DMXL2: variants seen among roughly 807,000 people sequenced by gnomAD.
DMXL2 encodes Dmx like 2.
Under a neutral mutation model 331.1 loss-of-function variants are expected in DMXL2, and 103 were observed. That is an observed-to-expected ratio of 0.31 (90% confidence interval 0.27 to 0.37). DMXL2 has a LOEUF of 0.37. Ranked by LOEUF, DMXL2 falls within the 10% of genes least tolerant of loss-of-function variation. The probability of loss-of-function intolerance (pLI) is 1.00; values close to 1 mark genes in which losing one functional copy is unlikely to be tolerated. For synonymous variants in DMXL2, 1,281 were observed against 1,252.1 expected (o/e 1.02, Z -0.49); for missense variants, 3,171 against 3,642.9 (o/e 0.87, Z 3.33).
In DMXL2 at chr15:51,448,543, G is replaced by A. The variant is rs573566133; in HGVS notation, c.*441C>T. On this transcript the variant is annotated 3_prime_UTR_variant, in exon 44 of 44. Transcript: ENST00000560891. The stretch of plus-strand genomic sequence containing the variant: ...AAGAAAGTTTTCCAGGTGGTCTAGC[G>A]CTCCTAACAAACACCTTATGATTAT... The A allele has an allele frequency of 1.3e-4, 27 of 201,660 alleles. No individual in the cohort carries two copies. Among genetic ancestry groups the A allele is most frequent in the African/African-American group, 6.3e-4 (25 of 39,810 alleles). 12.5% of individuals were successfully genotyped at this position (201,660 alleles called of 1,614,324 possible). A position where few individuals can be genotyped will look rare whatever the true frequency, so the allele number is the denominator to read the frequency against.
At chr15:51,592,290 T>C (rs1567162057) in intron 1 of DMXL2, among the ~76,000 whole-genome samples, 2 of 152,146 alleles carry the variant, frequency 1.3e-5, no homozygotes, top group Non-Finnish European at 2.9e-5. Context: ...CAGTCGCTGA[T>C]TCGATCAACT....
At chr15:51,604,558 T>C (rs1196041531) in intron 1 of DMXL2, among the ~76,000 whole-genome samples, 1 of 152,192 alleles carries the variant, frequency 6.6e-6, no homozygotes, top group Non-Finnish European at 1.5e-5. Context: ...TAACAAAACA[T>C]GTATCAGATC....
At chr15:51,518,260 G>C (rs148275419) in intron 13 of DMXL2, among the ~76,000 whole-genome samples, 2,159 of 152,222 alleles carry the variant, frequency 0.014, 37 homozygotes, top group African/African-American at 0.048. Context: ...CTGAACCTGG[G>C]AGGCGGAGGT....
chr15:51,597,046 A>G (rs12050600), intron 1 of DMXL2, among the ~76,000 whole-genome samples: 72,265 of 151,898 alleles, frequency 0.48, 17,597 homozygotes, highest in Non-Finnish European at 0.52. Flanking sequence ...CGTTGTGCAC[A>G]TGTACCCTAA....
At chr15:51,504,819 GCTA>G (rs149582086) in intron 16 of DMXL2, among the ~76,000 whole-genome samples, 2,166 of 152,188 alleles carry the variant, frequency 0.014, 51 homozygotes, top group African/African-American at 0.051. Context: ...ACCATCTCTG[GCTA>G]CTTTCTCACC....
chr15:51,464,422 CA>C (rs1356923967), intron 32 of DMXL2, among the ~76,000 whole-genome samples: 1 of 151,954 alleles, frequency 6.6e-6, no homozygotes, highest in Non-Finnish European at 1.5e-5. Context: ...AACAAACAAA[CA>C]AAAAACACCA....
In DMXL2 at chr15:51,456,148, G is replaced by A. The variant is rs759889759; in HGVS notation, c.8444C>T (p.Thr2815Met). ...AAAGCAGACAAGTTGCTGAGGCCGC[G>A]TCCATTCAAACATTCGTACACTGCC... ...QDGSVRMFEWTRPQQLVCFRQ... is the reference protein window; with the variant it reads ...QDGSVRMFEWMRPQQLVCFRQ... Residue 2815 changes from threonine (T) to methionine (M), a missense_variant, in exon 39 of 44, where the codon ACG (threonine) becomes ATG (methionine). Transcript: ENST00000560891. The A allele has an allele frequency of 9.9e-6, 16 of 1,614,002 alleles. No individual in the cohort carries two copies. The East Asian group carries it at 2.2e-4, about 22-fold the overall frequency.
chr15:51,566,561 T>C (rs1031239337), intron 3 of DMXL2, among the ~76,000 whole-genome samples: 2 of 152,168 alleles, frequency 1.3e-5, no homozygotes, highest in African/African-American at 4.8e-5. Flanking sequence ...ATGTTTAGTA[T>C]GTGCTCTAGG....
Position 51,474,414 on chromosome 15 carries a change from C to A in DMXL2, c.7143G>T (p.Met2381Ile). Residue 2381 changes from methionine to isoleucine, a missense_variant, in exon 28 of 44, where the codon ATG (methionine) becomes ATT (isoleucine). By Grantham distance (10) the Met-to-Ile change is conservative (BLOSUM62 1). This residue lies in a region of DMXL2 where 766 missense variants were observed against 940.5 expected (regional missense o/e 0.81). Coordinates refer to ENST00000560891, the MANE Select transcript of DMXL2 (RefSeq NM_001378457.1). ...CACCGCCTCCAAAAACAGCAGCCCA[C>A]ATTCGATTATTTAATGGGTGGGCTG... ...RLAAHPLNNRMWAAVFGGGVK... is the reference protein window; with the variant it reads ...RLAAHPLNNRIWAAVFGGGVK... The A allele has an allele frequency of 6.2e-7, 1 of 1,614,032 alleles. No individual in the cohort carries two copies. Among genetic ancestry groups the A allele is most frequent in the Non-Finnish European group, 8.5e-7 (1 of 1,179,990 alleles).
chr15:51,474,911 C>A (rs2041437881), intron 27 of DMXL2, among the ~76,000 whole-genome samples: 1 of 152,012 alleles, frequency 6.6e-6, no homozygotes, highest in Non-Finnish European at 1.5e-5. Flanking sequence ...CACAGTAATA[C>A]CTGATTCAGG....
intron 1 of DMXL2, among the ~76,000 whole-genome samples, chr15:51,612,590 G>C (rs1349498143): frequency 6.6e-6 from 1 of 152,188 alleles, no homozygotes; most frequent in African/African-American, 2.4e-5. Flanking sequence ...CAAAAGGGGA[G>C]GGAGTGTACG....
In DMXL2 at chr15:51,524,536, C is replaced by T. The variant is rs987709354; in HGVS notation, c.2437-7369G>A. ...GAAACACACACTTGAATCACCAACA[C>T]CACTCTTCTCCCACACCCTGGCAGC... is the stretch of plus-strand genomic sequence containing the variant. On this transcript the variant is annotated intron_variant, in intron 13 of 43. Coordinates refer to ENST00000560891, the MANE Select transcript of DMXL2 (RefSeq NM_001378457.1). Among the ~76,000 whole-genome samples the T allele has an allele frequency of 1.2e-4, 19 of 152,328 alleles. No homozygotes were observed. In the East Asian group the frequency reaches 3.7e-3, roughly 29 times the overall value.
At chr15:51,503,248 A>G (rs74721172) in intron 16 of DMXL2, among the ~76,000 whole-genome samples, 1,763 of 152,358 alleles carry the variant, frequency 0.012, 27 homozygotes, top group East Asian at 0.026. Context: ...GGAAATCAGT[A>G]TATCAAAGGG....
chr15:51,479,863 C>T lies in DMXL2; in HGVS notation c.6756+85G>A, dbSNP rs2041881323. ...AGAAAGGTAGCACTTTGAAATATTTCCCCTAAGTTCGAATTAAAAGACAGG... is the reference window on the plus strand; with the variant it reads ...AGAAAGGTAGCACTTTGAAATATTTTCCCTAAGTTCGAATTAAAAGACAGG... On this transcript the variant is annotated intron_variant, in intron 25 of 43. Transcript: ENST00000560891. The T allele has an allele frequency of 3.9e-6, 4 of 1,024,326 alleles. No individual in the cohort carries two copies. The South Asian group carries it at 8.8e-5, about 23-fold the overall frequency. The allele number at this position is 1,024,326 out of a possible 1,614,324, so 63.5% of individuals were successfully genotyped here.
intron 41 of DMXL2, among the ~76,000 whole-genome samples, chr15:51,452,549 C>T (rs562443966): frequency 6.6e-6 from 1 of 152,132 alleles, no homozygotes; most frequent in African/African-American, 2.4e-5. Flanking sequence ...TACGATACCA[C>T]CTTATTCCTG....
At chr15:51,586,400 GA>G (rs958107316) in intron 1 of DMXL2, among the ~76,000 whole-genome samples, 3 of 151,882 alleles carry the variant, frequency 2.0e-5, no homozygotes, top group South Asian at 4.1e-4. Flanking sequence ...TCTATGGGAA[GA>G]AAAAAACAAC....
At chr15:51,563,312 A>G (rs1055445811) in intron 6 of DMXL2, 69 bp downstream of exon 6, 6 of 1,296,734 alleles carry the variant, frequency 4.6e-6, no homozygotes, top group African/African-American at 1.5e-5. Context: ...AACTGAAAAT[A>G]AAAATAAATA....
intron 23 of DMXL2, among the ~76,000 whole-genome samples, chr15:51,484,377 G>A (rs1363495667): frequency 3.9e-5 from 6 of 152,130 alleles, no homozygotes; most frequent in Admixed American, 2.6e-4. Context: ...ACTGCCCAGC[G>A]AGCCCACCTG....
chr15:51,453,865 CAG>C (rs1272499436), intron 40 of DMXL2, among the ~76,000 whole-genome samples: 2 of 152,172 alleles, frequency 1.3e-5, no homozygotes, highest in Non-Finnish European at 2.9e-5. Context: ...TTGGTAAAAA[CAG>C]AATTAAAGGT....
Sources: allele counts gnomAD v4.1 joint callset (sites outside exome capture counted in the v4.1 genomes callset), GRCh38; gene constraint gnomAD v4.1.1; regional missense constraint gnomAD v4.1.1; transcripts MANE v1.5; gene names NCBI Gene and HGNC (gene_info 2026-07-23, HGNC 2026-07-21).